Variants in MEF2D observed in about 807,000 individuals in gnomAD.
MEF2D encodes the protein myocyte enhancer factor 2D.
A neutral mutation model predicts 59.3 loss-of-function variants in MEF2D; 10 were observed. The observed-to-expected ratio is 0.17, with a 90% CI of 0.10 to 0.29. The LOEUF is 0.29. Among genes scored for constraint, MEF2D ranks in the 10% least tolerant of loss-of-function variants. The probability of loss-of-function intolerance (pLI) is 1.00; values close to 1 mark genes in which losing one functional copy is unlikely to be tolerated. For synonymous variants in MEF2D, 305 were observed against 295.0 expected (o/e 1.03, Z -0.35); for missense variants, 508 against 699.4 (o/e 0.73, Z 3.09).
Position 156,463,955 on chromosome 1 carries a change from T to C in MEF2D, c.*3690A>G, listed in dbSNP as rs1165172011. On this transcript the variant is annotated 3_prime_UTR_variant, in exon 12 of 12. Coordinates refer to ENST00000348159, the MANE Select transcript of MEF2D (RefSeq NM_005920.4). The stretch of plus-strand genomic sequence containing the variant: ...CAGGACCCAGGAAGAGCCCCAGGAG[T>C]GTGGGTGATTGTCAGGTGTGGGGGT... 6.6e-6 allele frequency: 1 copy of C among 152,280 alleles called. No individual in the cohort carries two copies. The highest frequency in any genetic ancestry group is 1.5e-5 in the Non-Finnish European group (1 of 68,008). The allele number at this position is 152,280 out of a possible 1,614,324, so 9.4% of individuals were successfully genotyped here.
At chr1:156,499,112 T>G (rs948502331) in intron 1 of MEF2D, among the ~76,000 whole-genome samples, 30 of 151,954 alleles carry the variant, frequency 2.0e-4, no homozygotes, top group Non-Finnish European at 2.8e-4. Flanking sequence ...AAACACCCAA[T>G]CTCAGGCTGA....
At chr1:156,492,685 T>C (rs1672880566) in intron 1 of MEF2D, among the ~76,000 whole-genome samples, 1 of 152,222 alleles carries the variant, frequency 6.6e-6, no homozygotes, top group South Asian at 2.1e-4. Flanking sequence ...CCCTTGGCTA[T>C]CAGAAGCCCT....
rs1214845148 is a variant in MEF2D, at chr1:156,466,142, C to G, written c.*1503G>C. 6.6e-6 allele frequency: 1 copy of G among 152,294 alleles called. No homozygotes were observed. Among genetic ancestry groups the G allele is most frequent in the African/African-American group, 2.4e-5 (1 of 41,420 alleles). The allele number at this position is 152,294 out of a possible 1,614,324, so 9.4% of individuals were successfully genotyped here. On this transcript the variant is annotated 3_prime_UTR_variant, in exon 12 of 12. Coordinates refer to ENST00000348159, the MANE Select transcript of MEF2D (RefSeq NM_005920.4). ...CCTGGGCCCCTTGCCCACTGCCCCA[C>G]TGAGGAGGCAGCAGGGAGGGGCGGA...
chr1:156,479,879 G>A, intron 4 of MEF2D, 83 bp from the exon 5 acceptor site: 1 of 1,364,522 alleles, frequency 7.3e-7, no homozygotes, highest in Non-Finnish European at 1.0e-6. Context: ...GCAGGCAAGG[G>A]TTCTTCTCAT....
intron 6 of MEF2D, 27 bp from the exon 7 acceptor site, chr1:156,477,229 A>C (rs748195804): frequency 1.2e-5 from 19 of 1,560,136 alleles, no homozygotes; most frequent in Admixed American, 1.9e-5. Context: ...AAGAGGGTAA[A>C]AGGAAAAACA....
At position 156,465,166 on chromosome 1, in the gene MEF2D, C is replaced by G. The variant is rs887882550; in HGVS notation, c.*2479G>C. On this transcript the variant is annotated 3_prime_UTR_variant, in exon 12 of 12. Transcript: ENST00000348159. ...GGACGTGCTGTCCCCACCCAGTCAG[C>G]GGATTGGGGTTAAGAGTGAGTAAGT... 6.6e-6 allele frequency: 1 copy of G among 152,226 alleles called. No homozygotes were observed. Among genetic ancestry groups the G allele is most frequent in the Non-Finnish European group, 1.5e-5 (1 of 68,106 alleles). 9.4% of individuals were successfully genotyped at this position (152,226 alleles called of 1,614,324 possible).
At chr1:156,498,112 A>C (rs1188646395) in intron 1 of MEF2D, among the ~76,000 whole-genome samples, 2 of 150,534 alleles carry the variant, frequency 1.3e-5, no homozygotes, top group African/African-American at 2.4e-5. Flanking sequence ...AAAAAAAAAA[A>C]AAAAAAAAAA....
chr1:156,469,070 G>T, intron 9 of MEF2D, 50 bp from the exon 10 acceptor site: 3 of 1,552,692 alleles, frequency 1.9e-6, no homozygotes, highest in Non-Finnish European at 2.6e-6. Flanking sequence ...AGAGCACACA[G>T]GCTCCTATGA....
chr1:156,491,734 T>C (rs758586912), intron 1 of MEF2D, among the ~76,000 whole-genome samples: 2 of 152,188 alleles, frequency 1.3e-5, no homozygotes, highest in African/African-American at 2.4e-5. Flanking sequence ...CCTAAGGCTG[T>C]CTTCATACTC....
chr1:156,468,985 G>C lies in MEF2D; in HGVS notation c.1042C>G (p.Pro348Ala). The C allele has an allele frequency of 6.2e-7, 1 of 1,612,682 alleles. No individual in the cohort carries two copies. ...AGCCCCCCAGGTGAACTAAAGGCTG[G>C]TAAGGAGGAGAGCTCTGCACTGGTC... ...QLTSAELSSL[P>A]AFSSPGGLSL... The change falls in exon 10 of 12, where the codon CCA becomes GCA. Residue 348 changes from proline to alanine, a missense_variant. Physicochemically the swap from Pro to Ala is conservative, Grantham distance 27. Coordinates refer to ENST00000348159, the MANE Select transcript of MEF2D (RefSeq NM_005920.4). The surrounding 1 kb of genome is among the most constrained non-coding windows in gnomAD (Gnocchi z 4.3).
intron 9 of MEF2D, among the ~76,000 whole-genome samples, chr1:156,473,342 G>A (rs1671363242): frequency 6.6e-6 from 1 of 152,154 alleles, no homozygotes; most frequent in Admixed American, 6.5e-5. Context: ...CATGTGGGGA[G>A]GAGGTGGGAT....
chr1:156,477,056 G>C lies in MEF2D; in HGVS notation c.811C>G (p.Arg271Gly). ...TTTCCTGCCTGGGAAGTGATGACTC[G>C]CAGGTCGGGCTTGCGGCTGGGGGCT... ...LGAPSRKPDL[R>G]VITSQAGKGL... Residue 271 changes from arginine (R) to glycine (G), a missense_variant, in exon 7 of 12, where the codon CGA (arginine) becomes GGA (glycine). By Grantham distance (125) the Arg-to-Gly change is moderately radical (BLOSUM62 -2). Around this residue, in one of 2 missense-constraint regions of MEF2D, gnomAD observed 481 missense variants for 584.7 expected, o/e 0.82. Coordinates refer to ENST00000348159, the MANE Select transcript of MEF2D (RefSeq NM_005920.4). The C allele has an allele frequency of 6.2e-7, 1 of 1,613,888 alleles. No homozygotes were observed.
chr1:156,480,590 C>T (rs1479715189), intron 4 of MEF2D: 8 of 1,501,068 alleles, frequency 5.3e-6, no homozygotes, highest in African/African-American at 4.2e-5. Flanking sequence ...AGAGCCAGGG[C>T]GCGAAGCCAC....
chr1:156,479,230 C>A, intron 6 of MEF2D, 60 bp downstream of exon 6: 3 of 1,467,018 alleles, frequency 2.0e-6, no homozygotes, highest in Non-Finnish European at 2.8e-6. Context: ...CCTTGGACCC[C>A]CTGAGGCCAC....
intron 1 of MEF2D, among the ~76,000 whole-genome samples, chr1:156,487,859 C>T (rs1323727947): frequency 3.9e-5 from 6 of 152,220 alleles, no homozygotes; most frequent in Non-Finnish European, 1.5e-5. Context: ...AGGAAGCCCT[C>T]GCAGATGATC....
intron 1 of MEF2D, among the ~76,000 whole-genome samples, chr1:156,500,105 C>T (rs1416444566): frequency 6.6e-6 from 1 of 152,094 alleles, no homozygotes; most frequent in Non-Finnish European, 1.5e-5. Context: ...AAATGTCAGT[C>T]GCTCCCGACT....
chr1:156,479,170 C>T, intron 6 of MEF2D, 120 bp downstream of exon 6: 1 of 755,952 alleles, frequency 1.3e-6, no homozygotes, highest in Non-Finnish European at 2.0e-6. Context: ...ACTCTTCATC[C>T]AGTCCTGGCC....
At position 156,467,997 on chromosome 1, in the gene MEF2D, G is replaced by C; in HGVS notation, c.1550C>G (p.Thr517Ser). 1 of 1,611,372 alleles carries C rather than the reference G, an allele frequency of 6.2e-7. No individual in the cohort carries two copies. Among genetic ancestry groups the C allele is most frequent in the Non-Finnish European group, 8.5e-7 (1 of 1,179,224 alleles). Reference protein sequence around the residue: ...GSAVKRMRLDTWTLK With the variant: ...GSAVKRMRLDSWTLK Reference sequence around the variant, plus strand: ...GGAGAGGTGATGCTACAGTACCCAGGTATCAAGCCGCATCCTCTTCACAGC... The same window carrying C: ...GGAGAGGTGATGCTACAGTACCCAGCTATCAAGCCGCATCCTCTTCACAGC... Residue 517 changes from threonine (T) to serine (S), a missense_variant, in exon 11 of 12, where the codon ACC (threonine) becomes AGC (serine). Physicochemically the swap from Thr to Ser is moderately conservative, Grantham distance 58 (BLOSUM62 1). This residue lies in a region of MEF2D where 481 missense variants were observed against 584.7 expected (regional missense o/e 0.82). Transcript: ENST00000348159.
chr1:156,495,308 T>G (rs1673066024), intron 1 of MEF2D, among the ~76,000 whole-genome samples: 1 of 152,260 alleles, frequency 6.6e-6, no homozygotes, highest in African/African-American at 2.4e-5. Flanking sequence ...ACAAAAGCCC[T>G]TTATACTTCA....
Sources: allele counts gnomAD v4.1 joint callset (sites outside exome capture counted in the v4.1 genomes callset), GRCh38; gene constraint gnomAD v4.1.1; regional missense constraint gnomAD v4.1.1; non-coding constraint Gnocchi (gnomAD v3.1); transcripts MANE v1.5; gene names NCBI Gene and HGNC (gene_info 2026-07-23, HGNC 2026-07-21).